The following KDM4C variants were observed in gnomAD, a reference collection of about 807,000 sequenced individuals.
KDM4C encodes lysine demethylase 4C.
In KDM4C, 81 loss-of-function variants were observed where a neutral mutation model predicts 129.3. The observed-to-expected ratio is 0.63, with a 90% CI of 0.52 to 0.75. The LOEUF (loss-of-function observed/expected upper bound fraction) is 0.75, where lower values mean the gene tolerates loss of function less well. Ranked by LOEUF, KDM4C falls within the 30% of genes least tolerant of loss-of-function variation. The pLI, the probability that KDM4C is intolerant of heterozygous loss-of-function variation, is 0.00. For missense variants in KDM4C, 1,457 were observed against 1,304.0 expected, an observed-to-expected ratio of 1.12 and a Z score of -1.81; for synonymous variants, 573 against 456.1, an observed-to-expected ratio of 1.26 and a Z score of -3.26.
intron 15 of KDM4C, among the ~76,000 whole-genome samples, chr9:7,034,177 G>A (rs910448949): frequency 3.9e-5 from 6 of 152,000 alleles, no homozygotes; most frequent in South Asian, 2.1e-4. Flanking sequence ...TAACATATCC[G>A]TCATCTCAAA....
rs998676164 is a variant in KDM4C at position 6,867,310 on chromosome 9, G to A, written c.630-12702G>A. On this transcript the variant is annotated intron_variant, in intron 5 of 21. Coordinates refer to ENST00000381309, the MANE Select transcript of KDM4C (RefSeq NM_015061.6). ...ATTACAGGCGTGAGCCGCTGCGCCCGGCCAGTGCTGCATATTTGTTTTTGG... is the reference window on the plus strand; with the variant it reads ...ATTACAGGCGTGAGCCGCTGCGCCCAGCCAGTGCTGCATATTTGTTTTTGG... 1.1e-4 allele frequency among the ~76,000 whole-genome samples: 16 copies of A among 152,224 alleles called. No individual in the cohort carries two copies. The South Asian group carries it at 1.7e-3, about 16-fold the overall frequency.
chr9:6,722,913 G>A (rs746189465), intron 1 of KDM4C, among the ~76,000 whole-genome samples: 23 of 152,012 alleles, frequency 1.5e-4, no homozygotes, highest in Non-Finnish European at 3.1e-4. Flanking sequence ...AGCCCAGGAG[G>A]TTGAGGTTGC....
intron 20 of KDM4C, among the ~76,000 whole-genome samples, chr9:7,167,942 A>C (rs1168928865): frequency 6.6e-6 from 1 of 152,158 alleles, no homozygotes; most frequent in African/African-American, 2.4e-5. Context: ...AGCACTTTGG[A>C]AGGCCGAGGC....
chr9:6,997,718 G>C (rs898773117), intron 12 of KDM4C, among the ~76,000 whole-genome samples: 7 of 152,142 alleles, frequency 4.6e-5, no homozygotes, highest in Non-Finnish European at 7.3e-5. Context: ...CTTTCCTCCT[G>C]TGTAAAATGT....
chr9:7,104,124 A>G (rs1249586604), intron 18 of KDM4C: 1 of 437,880 alleles, frequency 2.3e-6, no homozygotes, highest in East Asian at 4.1e-5. Flanking sequence ...AGATGCATGC[A>G]GAAAACTCTC....
intron 1 of KDM4C, among the ~76,000 whole-genome samples, chr9:6,722,788 C>T (rs1040836145): frequency 6.6e-6 from 1 of 152,020 alleles, no homozygotes; most frequent in African/African-American, 2.4e-5. Context: ...GCTGGAATTA[C>T]AGGTATGAGC....
intron 4 of KDM4C, 173 bp downstream of exon 4, chr9:6,814,918 T>C (rs1831807486): frequency 2.3e-6 from 1 of 428,222 alleles, no homozygotes; most frequent in South Asian, 7.2e-5. Flanking sequence ...TTTTTCAAAC[T>C]GAAGCTAGAT....
At chr9:7,050,442 C>A (rs868503269) in intron 17 of KDM4C, among the ~76,000 whole-genome samples, 137 of 78,128 alleles carry the variant, frequency 1.8e-3, no homozygotes, top group Middle Eastern at 7.7e-3. Context: ...CCCAGATTAC[C>A]AAAAAAAAAA....
chr9:7,160,109 C>T (rs1564193055), intron 19 of KDM4C, among the ~76,000 whole-genome samples: 1 of 152,108 alleles, frequency 6.6e-6, no homozygotes, highest in Non-Finnish European at 1.5e-5. Flanking sequence ...CCCTTTCTTC[C>T]ACTTGATCGA....
intron 14 of KDM4C, among the ~76,000 whole-genome samples, chr9:7,014,642 T>G (rs77855176): frequency 6.6e-6 from 1 of 152,302 alleles, no homozygotes; most frequent in East Asian, 1.9e-4. Context: ...TTTTAAGGCA[T>G]TTTAATATTC....
rs1026046146 is a variant in KDM4C, at chr9:6,806,620, AG to A, written c.320+848del. ...TCAGATTCTGCCTCAGGGTCTCATGAGGTTGCAGTTAGCATGTTGGCTGGGC... is the reference window on the plus strand; with the variant it reads ...TCAGATTCTGCCTCAGGGTCTCATGAGTTGCAGTTAGCATGTTGGCTGGGC... On this transcript the variant is annotated intron_variant, in intron 3 of 21. Transcript: ENST00000381309. Among the ~76,000 whole-genome samples, 45 of 152,122 alleles carry A rather than the reference AG, an allele frequency of 3.0e-4. 1 individual carries two copies. The highest frequency in any genetic ancestry group is 1.0e-3 in the African/African-American group (43 of 41,516).
At chr9:7,108,245 A>AT (rs1008964093) in intron 18 of KDM4C, among the ~76,000 whole-genome samples, 12 of 149,514 alleles carry the variant, frequency 8.0e-5, no homozygotes, top group Admixed American at 1.3e-4. Flanking sequence ...TTTGTTTTTT[A>AT]TTTTTTTTTG....
intron 18 of KDM4C, among the ~76,000 whole-genome samples, chr9:7,113,967 C>G (rs7037866): frequency 6.6e-6 from 1 of 151,850 alleles, no homozygotes; most frequent in Non-Finnish European, 1.5e-5. Context: ...GCTGAAGTCC[C>G]GTTGAGAGAC....
chr9:6,872,663 G>T (rs1035526443), intron 5 of KDM4C, among the ~76,000 whole-genome samples: 8 of 152,130 alleles, frequency 5.3e-5, no homozygotes, highest in African/African-American at 1.9e-4. Flanking sequence ...TTTAAAGTCT[G>T]TTTTACCAGA....
chr9:6,781,266 A>C (rs981139310), intron 1 of KDM4C, among the ~76,000 whole-genome samples: 1 of 152,224 alleles, frequency 6.6e-6, no homozygotes, highest in Non-Finnish European at 1.5e-5. Flanking sequence ...AGTCATCATG[A>C]ACAATGAACT....
At chr9:6,939,401 A>G (rs1038636949) in intron 8 of KDM4C, among the ~76,000 whole-genome samples, 2 of 152,056 alleles carry the variant, frequency 1.3e-5, no homozygotes, top group Non-Finnish European at 2.9e-5. Flanking sequence ...CACTGATTCT[A>G]CATTATGGTG....
chr9:7,154,804 C>T (rs1008346410), intron 19 of KDM4C, among the ~76,000 whole-genome samples: 1 of 152,166 alleles, frequency 6.6e-6, no homozygotes, highest in Non-Finnish European at 1.5e-5. Flanking sequence ...TTACTGGCAG[C>T]TCCAGACACC....
chr9:6,945,304 C>G (rs568379473), intron 8 of KDM4C, among the ~76,000 whole-genome samples: 1 of 152,118 alleles, frequency 6.6e-6, no homozygotes, highest in Non-Finnish European at 1.5e-5. Flanking sequence ...TTTCATCCTT[C>G]CTTTGAAACA....
chr9:6,954,611 C>G (rs1475046772), intron 8 of KDM4C, among the ~76,000 whole-genome samples: 1 of 152,100 alleles, frequency 6.6e-6, no homozygotes, highest in Non-Finnish European at 1.5e-5. Flanking sequence ...GTGCAGGTTT[C>G]TGGAGTTTGG....
Sources: gnomAD v4.1 joint callset for allele counts (sites outside exome capture counted in the v4.1 genomes callset) on GRCh38, gnomAD v4.1.1 for gene constraint, MANE v1.5 for transcripts, NCBI Gene and HGNC (gene_info 2026-07-23, HGNC 2026-07-21) for gene names.